ELOVL2: variants seen among roughly 807,000 people sequenced by gnomAD.
The protein encoded by ELOVL2 is ELOVL fatty acid elongase 2.
Under a neutral mutation model 37.7 loss-of-function variants are expected in ELOVL2, and 38 were observed. The observed-to-expected ratio is 1.01, with a 90% CI of 0.78 to 1.32. The LOEUF is 1.32. Ranked by LOEUF, ELOVL2 falls within the 40% of genes most tolerant of loss-of-function variation. The probability of loss-of-function intolerance (pLI) is 0.00; values close to 1 mark genes in which losing one functional copy is unlikely to be tolerated. For synonymous variants in ELOVL2, 115 were observed against 122.3 expected (o/e 0.94, Z 0.40); for missense variants, 352 against 363.6 (o/e 0.97, Z 0.26).
At chr6:11,024,441 A>G (rs771846914) in intron 1 of ELOVL2, among the ~76,000 whole-genome samples, 1 of 152,220 alleles carries the variant, frequency 6.6e-6, no homozygotes, top group Non-Finnish European at 1.5e-5. Context: ...AAATATAATC[A>G]TTTTAATATT....
chr6:11,042,011 T>TA (rs1783105203), intron 1 of ELOVL2, among the ~76,000 whole-genome samples: 1 of 151,852 alleles, frequency 6.6e-6, no homozygotes, highest in Non-Finnish European at 1.5e-5. Flanking sequence ...ATTTTTTTTT[T>TA]AAAGTAATAC....
chr6:11,034,975 C>T (rs1387489014), intron 1 of ELOVL2, among the ~76,000 whole-genome samples: 2 of 152,008 alleles, frequency 1.3e-5, no homozygotes, highest in Non-Finnish European at 2.9e-5. Flanking sequence ...TGCACTCTAG[C>T]CTGGGTGACA....
intron 5 of ELOVL2, among the ~76,000 whole-genome samples, chr6:10,994,195 G>A (rs894491034): frequency 2.6e-4 from 39 of 151,772 alleles, no homozygotes; most frequent in African/African-American, 9.4e-4. Flanking sequence ...GGCCGGGTGC[G>A]GTGGCCCACG....
chr6:11,001,296 T>G (rs953658852), intron 3 of ELOVL2, among the ~76,000 whole-genome samples: 2 of 152,178 alleles, frequency 1.3e-5, no homozygotes, highest in Non-Finnish European at 2.9e-5. Context: ...AATTAAAGAT[T>G]ATCAATATAA....
At chr6:11,033,827 A>C (rs1581882193) in intron 1 of ELOVL2, among the ~76,000 whole-genome samples, 1 of 152,350 alleles carries the variant, frequency 6.6e-6, no homozygotes. Context: ...AGAATTTTTA[A>C]AAATGTAAAT....
At chr6:11,026,892 G>C (rs1455917394) in intron 1 of ELOVL2, among the ~76,000 whole-genome samples, 14 of 152,108 alleles carry the variant, frequency 9.2e-5, no homozygotes, top group Non-Finnish European at 5.9e-5. Flanking sequence ...GACAAAAATT[G>C]TATTTATTTA....
rs1781939801 is a variant in ELOVL2 at position 10,981,834 on chromosome 6, A to C, written c.*1947T>G. The C allele has an allele frequency of 6.6e-6, 1 of 152,224 alleles. No individual in the cohort carries two copies. Among genetic ancestry groups the C allele is most frequent in the African/African-American group, 2.4e-5 (1 of 41,448 alleles). 9.4% of individuals were successfully genotyped at this position (152,224 alleles called of 1,614,324 possible). ...GGAACGCACTTTGGTAAGAGATTTC[A>C]GCCTATATTTGAGATCTAAACTGAA... On this transcript the variant is annotated 3_prime_UTR_variant, in exon 8 of 8. Coordinates refer to ENST00000354666, the MANE Select transcript of ELOVL2 (RefSeq NM_017770.4).
Position 11,022,116 on chromosome 6 carries a change from G to C in ELOVL2, c.4-11307C>G, listed in dbSNP as rs897776255. Among the ~76,000 whole-genome samples, 14 of 152,296 alleles carry C rather than the reference G, an allele frequency of 9.2e-5. 1 individual carries two copies. Among genetic ancestry groups the C allele is most frequent in the African/African-American group, 2.9e-4 (12 of 41,534 alleles). ...TAGGATGTACTCATATAAGACACTG[G>C]GGGTGCCCTTGCAGTGCTTGTGATC... On this transcript the variant is annotated intron_variant, in intron 1 of 7. Coordinates refer to ENST00000354666, the MANE Select transcript of ELOVL2 (RefSeq NM_017770.4).
chr6:11,011,090 C>T (rs889395242), intron 1 of ELOVL2, among the ~76,000 whole-genome samples: 3 of 152,044 alleles, frequency 2.0e-5, no homozygotes, highest in African/African-American at 4.8e-5. Context: ...GTTGGCCAGG[C>T]GCGGTGTCTC....
chr6:11,038,661 T>C (rs562925384), intron 1 of ELOVL2, among the ~76,000 whole-genome samples: 2 of 152,300 alleles, frequency 1.3e-5, no homozygotes, highest in Admixed American at 1.3e-4. Flanking sequence ...AAACTTATGA[T>C]GAAATATGGA....
chr6:11,035,502 C>A (rs78756388), intron 1 of ELOVL2, among the ~76,000 whole-genome samples: 239 of 152,318 alleles, frequency 1.6e-3, no homozygotes, highest in African/African-American at 5.5e-3. Context: ...GAATTGACTG[C>A]TGAGTACTGT....
At position 11,011,357 on chromosome 6, in the gene ELOVL2, C is replaced by A. The variant is rs537360798; in HGVS notation, c.4-548G>T. Among the ~76,000 whole-genome samples the A allele has an allele frequency of 5.4e-5, 8 of 147,010 alleles. No homozygotes were observed. In the East Asian group the frequency reaches 1.0e-3, roughly 18 times the overall value. On this transcript the variant is annotated intron_variant, in intron 1 of 7. Transcript: ENST00000354666. ...CACCAGCCTGGGCGACAGAGTGAGACTCTGTCTCAAAAAAAAAAAAGAAAA... is the reference window on the plus strand; with the variant it reads ...CACCAGCCTGGGCGACAGAGTGAGAATCTGTCTCAAAAAAAAAAAAGAAAA...
At chr6:11,010,852 T>C in intron 1 of ELOVL2, 43 bp from the exon 2 acceptor site, 2 of 1,513,728 alleles carry the variant, frequency 1.3e-6, no homozygotes, top group Admixed American at 1.8e-5. Context: ...TTTTTTCTTC[T>C]TTTTTTGAAA....
chr6:11,005,441 A>G lies in ELOVL2; in HGVS notation c.186T>C (p.Leu62=). The change falls in exon 3 of 8, where the codon CTT becomes CTC. Residue 62 remains leucine, a synonymous_variant. Coordinates refer to ENST00000354666, the MANE Select transcript of ELOVL2 (RefSeq NM_017770.4). ...GNKYMKNRPA[L]SLRGILTLYN... ...ACAAGGTGAGGATACCCCTGAGAGA[A>G]AGAGCAGGTCTGTTCTTCATATACT... The G allele has an allele frequency of 6.2e-7, 1 of 1,614,162 alleles. No homozygotes were observed. The highest frequency in any genetic ancestry group is 1.1e-5 in the South Asian group (1 of 91,074).
At chr6:11,004,416 CTTTTTTT>C (rs74352598) in intron 3 of ELOVL2, among the ~76,000 whole-genome samples, 12,201 of 142,004 alleles carry the variant, frequency 0.086, 1,676 homozygotes, top group African/African-American at 0.29. Flanking sequence ...CTTTGTCCCT[CTTTTTTT>C]TTTTTTTTCT....
At chr6:11,010,935 G>C in intron 1 of ELOVL2, 126 bp from the exon 2 acceptor site, 1 of 664,480 alleles carries the variant, frequency 1.5e-6, no homozygotes, top group Non-Finnish European at 2.6e-6. Flanking sequence ...AAGGACTTTT[G>C]ACTGCAAAGA....
chr6:10,998,767 A>G (rs1561716592), intron 4 of ELOVL2, among the ~76,000 whole-genome samples: 1 of 152,182 alleles, frequency 6.6e-6, no homozygotes, highest in African/African-American at 2.4e-5. Context: ...TTTTCTGGAG[A>G]AAATTCTATT....
rs1225719 is a variant in ELOVL2 at position 11,012,669 on chromosome 6, G to A, written c.4-1860C>T. ...AAAAATTTAGTCACAGTGGAAGAAGGGCAGAAACAAAAGTAAAACAAGGGA... is the reference window on the plus strand; with the variant it reads ...AAAAATTTAGTCACAGTGGAAGAAGAGCAGAAACAAAAGTAAAACAAGGGA... On this transcript the variant is annotated intron_variant, in intron 1 of 7. Transcript: ENST00000354666. 8.2e-3 allele frequency among the ~76,000 whole-genome samples: 1,246 copies of A among 152,154 alleles called. 19 individuals are homozygous for A. Among genetic ancestry groups the A allele is most frequent in the Middle Eastern group, 0.02 (6 of 294 alleles).
intron 7 of ELOVL2, among the ~76,000 whole-genome samples, chr6:10,986,984 T>C (rs1427014419): frequency 1.3e-5 from 2 of 152,212 alleles, no homozygotes; most frequent in Non-Finnish European, 2.9e-5. Context: ...GGTCCTGGAC[T>C]CTTTTTGGTT....
Sources: gnomAD v4.1 joint callset for allele counts (sites outside exome capture counted in the v4.1 genomes callset) on GRCh38, gnomAD v4.1.1 for gene constraint, MANE v1.5 for transcripts, NCBI Gene and HGNC (gene_info 2026-07-23, HGNC 2026-07-21) for gene names.